GNAL: variants seen among roughly 807,000 people sequenced by gnomAD.
The protein encoded by GNAL is G protein subunit alpha L, also known as guanine nucleotide-binding protein G(olf) subunit alpha.
In GNAL, 18 loss-of-function variants were observed where a neutral mutation model predicts 55.1. That is an observed-to-expected ratio of 0.33 (90% confidence interval 0.23 to 0.48). The LOEUF is 0.48. Among genes scored for constraint, GNAL ranks in the 20% least tolerant of loss-of-function variants. The pLI is 0.99. For synonymous variants in GNAL, 253 were observed against 237.0 expected, an observed-to-expected ratio of 1.07 and a Z score of -0.62; for missense variants, 412 against 614.1, an observed-to-expected ratio of 0.67 and a Z score of 3.48.
rs185622972 is a variant in GNAL, at chr18:11,866,084, T to A, written c.852-1084T>A. Among the ~76,000 whole-genome samples the A allele has an allele frequency of 6.3e-4, 95 of 150,148 alleles. 11 individuals are homozygous for A. The highest frequency in any genetic ancestry group is 2.4e-3 in the African/African-American group (94 of 39,486). On this transcript the variant is annotated intron_variant, in intron 7 of 11. Transcript: ENST00000334049. ...TCAGGCTGGATAAAAGCCAGCTACA[T>A]CTCTCTGCTGGGAGGCGCACAGTGC...
chr18:11,829,768 G>C (rs925199577), intron 5 of GNAL, among the ~76,000 whole-genome samples: 2 of 152,212 alleles, frequency 1.3e-5, no homozygotes, highest in African/African-American at 4.8e-5. Flanking sequence ...CCAGCACTTT[G>C]GGAGGCCGAG....
intron 4 of GNAL, among the ~76,000 whole-genome samples, chr18:11,768,955 T>C (rs1169446411): frequency 6.4e-5 from 7 of 108,864 alleles, no homozygotes; most frequent in Middle Eastern, 4.0e-3. Context: ...TTACTATATG[T>C]TATATATAAT....
chr18:11,788,593 C>T (rs1366847871), intron 4 of GNAL, among the ~76,000 whole-genome samples: 2 of 151,868 alleles, frequency 1.3e-5, no homozygotes, highest in African/African-American at 4.8e-5. Context: ...CAGTGTTGGC[C>T]GGGCATGGTG....
At chr18:11,761,071 T>A (rs192052946) in intron 4 of GNAL, among the ~76,000 whole-genome samples, 3 of 152,300 alleles carry the variant, frequency 2.0e-5, no homozygotes, top group Non-Finnish European at 4.4e-5. Context: ...TCGCCTCAGT[T>A]GCTGGGGCTG....
chr18:11,747,816 G>A (rs1039855450), intron 1 of GNAL, among the ~76,000 whole-genome samples: 4 of 152,092 alleles, frequency 2.6e-5, no homozygotes, highest in East Asian at 1.9e-4. Context: ...AATTCTCCAC[G>A]AGGTGACCAG....
intron 5 of GNAL, among the ~76,000 whole-genome samples, chr18:11,848,456 C>CT (rs2035785552): frequency 6.7e-6 from 1 of 149,656 alleles, no homozygotes; most frequent in East Asian, 1.9e-4. Context: ...CTTTTTTTTT[C>CT]TTTTCTTTTT....
chr18:11,827,238 C>T (rs2035269631), intron 5 of GNAL, among the ~76,000 whole-genome samples: 1 of 152,046 alleles, frequency 6.6e-6, no homozygotes, highest in African/African-American at 2.4e-5. Context: ...CCTCAGAGGA[C>T]CGTAGAAAGG....
chr18:11,806,540 C>G (rs2034666102), intron 4 of GNAL, among the ~76,000 whole-genome samples: 1 of 151,970 alleles, frequency 6.6e-6, no homozygotes, highest in African/African-American at 2.4e-5. Context: ...GATAGGTTAC[C>G]CCTCTCAGGA....
chr18:11,822,386 C>T (rs73407416), intron 4 of GNAL, among the ~76,000 whole-genome samples: 9,663 of 152,260 alleles, frequency 0.063, 460 homozygotes, highest in African/African-American at 0.13. Flanking sequence ...CAGAGGATCG[C>T]TTGAGCCTAA....
chr18:11,869,890 C>G (rs1359151413), intron 9 of GNAL, among the ~76,000 whole-genome samples: 5 of 152,058 alleles, frequency 3.3e-5, no homozygotes, highest in African/African-American at 4.8e-5. Context: ...GTCTGGGCGA[C>G]AGAGGGAGAC....
intron 5 of GNAL, chr18:11,852,418 G>T (rs527993965): frequency 3.0e-6 from 1 of 331,504 alleles, no homozygotes; most frequent in Non-Finnish European, 5.9e-6. Context: ...TCAGTTTCCT[G>T]CCCAGAATGA....
Position 11,752,363 on chromosome 18 carries a change from A to G in GNAL, c.377-490A>G. 1 of 1,524,926 alleles carries G rather than the reference A, an allele frequency of 6.6e-7. No individual in the cohort carries two copies. Among genetic ancestry groups the G allele is most frequent in the Non-Finnish European group, 8.8e-7 (1 of 1,140,206 alleles). The allele number at this position is 1,524,926 out of a possible 1,614,324, so 94.5% of individuals were successfully genotyped here. A position where few individuals can be genotyped will look rare whatever the true frequency, so the allele number is the denominator to read the frequency against. ...AGAGAGGAGCCGTCGCAGGAGCCGC[A>G]CACGTCTCCAACTCTCTATTGCTTT... is the stretch of plus-strand genomic sequence containing the variant. On this transcript the variant is annotated intron_variant, in intron 1 of 11. Transcript: ENST00000334049. This position sits in a 1 kb window ranked among gnomAD's most constrained non-coding sequence, Gnocchi z 4.5.
At chr18:11,762,758 G>T (rs1180386039) in intron 4 of GNAL, among the ~76,000 whole-genome samples, 1 of 152,190 alleles carries the variant, frequency 6.6e-6, no homozygotes, top group Non-Finnish European at 1.5e-5. Context: ...AAAATGCAAG[G>T]TTTTTTTGGA....
Position 11,884,595 on chromosome 18 carries a change from G to A in GNAL, c.*3460G>A, listed in dbSNP as rs1365430477. 1.2e-6 allele frequency: 2 copies of A among 1,613,796 alleles called. No individual in the cohort carries two copies. The highest frequency in any genetic ancestry group is 1.7e-6 in the Non-Finnish European group (2 of 1,180,040). On this transcript the variant is annotated 3_prime_UTR_variant, in exon 12 of 12. Coordinates refer to ENST00000334049, the MANE Select transcript of GNAL (RefSeq NM_182978.4). ...CATCCTCACGTGGGAGGTAGCACTTGGAGAGGGTGTAGTCTGTGGGCGTGA... is the reference window on the plus strand; with the variant it reads ...CATCCTCACGTGGGAGGTAGCACTTAGAGAGGGTGTAGTCTGTGGGCGTGA...
At chr18:11,765,162 G>A (rs986872259) in intron 4 of GNAL, among the ~76,000 whole-genome samples, 2 of 152,162 alleles carry the variant, frequency 1.3e-5, no homozygotes, top group Non-Finnish European at 2.9e-5. Context: ...AAACTCACCA[G>A]CACACCAAGA....
In GNAL at chr18:11,837,147, C is replaced by T. The variant is rs570236522; in HGVS notation, c.722+12132C>T. 5.3e-5 allele frequency among the ~76,000 whole-genome samples: 8 copies of T among 152,088 alleles called. No individual in the cohort carries two copies. The South Asian group carries it at 1.0e-3, about 20-fold the overall frequency. ...TTTTGTATTTTTAGACATGCCACCA[C>T]GCCCAGTTAATTTTTGTATTTTTAG... is the stretch of plus-strand genomic sequence containing the variant. On this transcript the variant is annotated intron_variant, in intron 5 of 11. Transcript: ENST00000334049.
chr18:11,756,251 C>T (rs1333114661), intron 4 of GNAL, among the ~76,000 whole-genome samples: 1 of 152,086 alleles, frequency 6.6e-6, no homozygotes, highest in Non-Finnish European at 1.5e-5. Flanking sequence ...AAATCATGAA[C>T]ATTTTTAATT....
intron 4 of GNAL, among the ~76,000 whole-genome samples, chr18:11,787,804 G>T (rs939416110): frequency 2.0e-5 from 3 of 151,690 alleles, no homozygotes; most frequent in African/African-American, 7.3e-5. Flanking sequence ...AACCCGAGAG[G>T]TGGAGCTTGC....
At chr18:11,872,049 T>G (rs1465844520) in intron 9 of GNAL, among the ~76,000 whole-genome samples, 2 of 152,228 alleles carry the variant, frequency 1.3e-5, no homozygotes, top group Non-Finnish European at 2.9e-5. Context: ...TTGAAGCATT[T>G]TGGATTTTGT....
Sources: gnomAD v4.1 joint callset for allele counts (sites outside exome capture counted in the v4.1 genomes callset) on GRCh38, gnomAD v4.1.1 for gene constraint, Gnocchi (gnomAD v3.1) non-coding constraint, MANE v1.5 for transcripts, NCBI Gene and HGNC (gene_info 2026-07-23, HGNC 2026-07-21) for gene names.